Variants in MYO16 observed in about 807,000 individuals in gnomAD.
MYO16 encodes myosin XVI, also known as unconventional myosin-XVI.
MYO16 carries 94 observed loss-of-function variants against 205.3 expected under a neutral mutation model. That is an observed-to-expected ratio of 0.46 (90% CI 0.39 to 0.54). MYO16 has a LOEUF of 0.54. Among genes scored for constraint, MYO16 ranks in the 20% least tolerant of loss-of-function variants. The pLI is 0.00. For synonymous variants in MYO16, 988 were observed against 954.0 expected (o/e 1.04, Z -0.66); for missense variants, 2,315 against 2,387.5 (o/e 0.97, Z 0.63).
intron 16 of MYO16, among the ~76,000 whole-genome samples, chr13:108,945,409 A>G (rs1056790193): frequency 6.6e-6 from 1 of 152,190 alleles, no homozygotes; most frequent in Non-Finnish European, 1.5e-5. Flanking sequence ...TTTCATAACT[A>G]GCGTTTCTTA....
Position 109,207,897 on chromosome 13 carries a change from T to G in MYO16, c.*1061T>G, listed in dbSNP as rs559355901. On this transcript the variant is annotated 3_prime_UTR_variant, in exon 35 of 35. Coordinates refer to ENST00000457511, the MANE Select transcript of MYO16 (RefSeq NM_001198950.3). The stretch of plus-strand genomic sequence containing the variant: ...TGTGCTTTCGTCGGCTGTCGGAAAG[T>G]TCTGAGCAGTGGCTCCAGACCACCT... The G allele has an allele frequency of 3.3e-5, 5 of 152,386 alleles. No homozygotes were observed. The allele number at this position is 152,386 out of a possible 1,614,324, so 9.4% of individuals were successfully genotyped here.
the MYO16 span, among the ~76,000 whole-genome samples, chr13:108,576,991 C>A: frequency 6.6e-6 from 1 of 152,108 alleles, no homozygotes; most frequent in Non-Finnish European, 1.5e-5. Context: ...GCACTCCTGA[C>A]CTCAAGCGCT....
intron 16 of MYO16, among the ~76,000 whole-genome samples, chr13:108,953,225 A>G (rs1883221763): frequency 6.6e-6 from 1 of 152,230 alleles, no homozygotes. Context: ...TGTTACTTTT[A>G]TCTGTCTGAG....
At chr13:108,954,835 A>G (rs758730360) in intron 16 of MYO16, among the ~76,000 whole-genome samples, 4 of 152,158 alleles carry the variant, frequency 2.6e-5, no homozygotes, top group Non-Finnish European at 4.4e-5. Flanking sequence ...TCTTACTGAT[A>G]TCATTGTCCT....
chr13:108,883,308 T>A (rs781076450), intron 13 of MYO16, 122 bp downstream of exon 13: 5 of 1,242,438 alleles, frequency 4.0e-6, no homozygotes, highest in Non-Finnish European at 5.5e-6. Flanking sequence ...GTCCAGTATA[T>A]CTTTGCAATA....
chr13:109,081,777 G>A (rs1233116073), intron 27 of MYO16, among the ~76,000 whole-genome samples: 4 of 152,116 alleles, frequency 2.6e-5, no homozygotes, highest in African/African-American at 9.7e-5. Flanking sequence ...TGAGAGAAAG[G>A]TAGAACCTTT....
intron 27 of MYO16, among the ~76,000 whole-genome samples, chr13:109,096,290 A>G (rs568448835): frequency 1.8e-4 from 28 of 152,118 alleles, no homozygotes; most frequent in African/African-American, 6.5e-4. Context: ...TGTGTCACTG[A>G]CACCTCTGCC....
At chr13:108,892,208 C>T (rs1880209794) in intron 14 of MYO16, among the ~76,000 whole-genome samples, 1 of 152,086 alleles carries the variant, frequency 6.6e-6, no homozygotes, top group South Asian at 2.1e-4. Flanking sequence ...TTATTAAGCT[C>T]ATACCATATT....
At chr13:108,548,462 G>GGT in the MYO16 span, among the ~76,000 whole-genome samples, 1 of 151,728 alleles carries the variant, frequency 6.6e-6, no homozygotes, top group East Asian at 1.9e-4. Context: ...TGGTGGTCTT[G>GGT]GTGGTGAAGA....
intron 12 of MYO16, among the ~76,000 whole-genome samples, chr13:108,874,329 G>T (rs188342690): frequency 6.6e-6 from 1 of 152,100 alleles, no homozygotes; most frequent in East Asian, 1.9e-4. Flanking sequence ...AAAATATATA[G>T]GACTATTTAG....
the MYO16 span, among the ~76,000 whole-genome samples, chr13:108,560,297 C>T: frequency 3.9e-5 from 6 of 152,136 alleles, no homozygotes; most frequent in African/African-American, 1.4e-4. Context: ...TGCAGAGTTG[C>T]CATGGCAATA....
chr13:109,118,483 A>T (rs1875832526), intron 28 of MYO16, among the ~76,000 whole-genome samples: 1 of 152,208 alleles, frequency 6.6e-6, no homozygotes, highest in Non-Finnish European at 1.5e-5. Context: ...CAGGTCTTTT[A>T]GGCATGTTGC....
intron 1 of MYO16, among the ~76,000 whole-genome samples, chr13:108,634,798 T>C (rs1332854155): frequency 6.6e-6 from 1 of 152,226 alleles, no homozygotes; most frequent in African/African-American, 2.4e-5. Flanking sequence ...AGTTGCTGGC[T>C]TTCTCTTCTT....
At chr13:108,753,696 AGGT>A (rs1885326728) in intron 4 of MYO16, among the ~76,000 whole-genome samples, 3 of 152,182 alleles carry the variant, frequency 2.0e-5, no homozygotes. Context: ...GCGCTCCTGG[AGGT>A]GCTCTTAAGG....
intron 13 of MYO16, among the ~76,000 whole-genome samples, chr13:108,885,575 C>T (rs1390644042): frequency 6.6e-6 from 1 of 152,204 alleles, no homozygotes; most frequent in Non-Finnish European, 1.5e-5. Flanking sequence ...TTAGAAAAAA[C>T]ACTGTCAATT....
rs1881775442 is a variant in MYO16 at position 108,667,270 on chromosome 13, T to C, written c.292+1121T>C. Among the ~76,000 whole-genome samples the C allele has an allele frequency of 2.0e-5, 3 of 152,062 alleles. No homozygotes were observed. The South Asian group carries it at 6.2e-4, about 32-fold the overall frequency. On this transcript the variant is annotated intron_variant, in intron 2 of 34. Coordinates refer to ENST00000457511, the MANE Select transcript of MYO16 (RefSeq NM_001198950.3). ...ACTCAAGTCATTTTTTTCATGGTTT[T>C]GTATGGGCTTTTTCTAGTTAAACTG...
At chr13:108,837,330 T>TTTATAA (rs1876983193) in intron 9 of MYO16, among the ~76,000 whole-genome samples, 2 of 152,192 alleles carry the variant, frequency 1.3e-5, no homozygotes, top group Admixed American at 1.3e-4. Flanking sequence ...GAATTAAACC[T>TTTATAA]CTTTCCTTTA....
Position 108,666,052 on chromosome 13 carries a change from G to A in MYO16, c.195G>A (p.Gly65=), listed in dbSNP as rs766307247. Residue 65 remains glycine (G), a synonymous_variant, in exon 2 of 35, where the codon GGG becomes GGA. Transcript: ENST00000457511. ...AGAAGGCTTTTCAGAAGCAGGAAGG[G>A]TTCCTGAAAAGGCTGAAGCATGCGA... ...EREKAFQKQE[G]FLKRLKHAKN... 1.9e-6 allele frequency: 3 copies of A among 1,614,130 alleles called. No individual in the cohort carries two copies. The highest frequency in any genetic ancestry group is 2.5e-6 in the Non-Finnish European group (3 of 1,180,004).
the MYO16 span, among the ~76,000 whole-genome samples, chr13:108,516,250 C>T: frequency 4.6e-5 from 7 of 151,664 alleles, no homozygotes; most frequent in East Asian, 3.9e-4. Context: ...CAGGCGCGTC[C>T]GTCACCCCTT....
Sources: gnomAD v4.1 joint callset for allele counts (sites outside exome capture counted in the v4.1 genomes callset) on GRCh38, gnomAD v4.1.1 for gene constraint, MANE v1.5 for transcripts, NCBI Gene and HGNC (gene_info 2026-07-23, HGNC 2026-07-21) for gene names.